CABYR: variants seen among roughly 807,000 people sequenced by gnomAD.
CABYR encodes the protein calcium binding tyrosine phosphorylation regulated.
CABYR carries 31 observed loss-of-function variants against 36.1 expected under a neutral mutation model. The observed-to-expected ratio is 0.86, with a 90% CI of 0.64 to 1.16. The LOEUF (loss-of-function observed/expected upper bound fraction) is 1.16, where lower values mean the gene tolerates loss of function less well. Among genes scored for constraint, CABYR ranks in the 50% most tolerant of loss-of-function variants. The pLI is 0.00. For synonymous variants in CABYR, 146 were observed against 160.7 expected (o/e 0.91, Z 0.69); for missense variants, 429 against 455.8 (o/e 0.94, Z 0.53).
chr18:24,140,618 T>C (rs2085293752), intron 1 of CABYR, among the ~76,000 whole-genome samples: 1 of 152,184 alleles, frequency 6.6e-6, no homozygotes, highest in African/African-American at 2.4e-5. Flanking sequence ...ATAGACACCC[T>C]GTTGTGCTTT....
At chr18:24,146,769 G>A (rs2085468466) in intron 3 of CABYR, among the ~76,000 whole-genome samples, 1 of 152,090 alleles carries the variant, frequency 6.6e-6, no homozygotes, top group Non-Finnish European at 1.5e-5. Context: ...GGGTAAAAGG[G>A]CACTTTACTT....
intron 3 of CABYR, among the ~76,000 whole-genome samples, chr18:24,149,115 T>C (rs1345860491): frequency 2.0e-5 from 3 of 150,938 alleles, no homozygotes; most frequent in African/African-American, 7.3e-5. Flanking sequence ...AGATACAGAG[T>C]GTGGACACAA....
chr18:24,159,533 TCTAA>T lies in CABYR; in HGVS notation c.606_609del (p.Thr203IlefsTer45), dbSNP rs2085890174. ...GTTCTAACATGTGGACCCTTTATTG[TCTAA>T]CTGATAAGAATCAACAAGGTCACCC... On this transcript the variant is annotated frameshift_variant, in exon 5 of 6. Transcript: ENST00000399496. LOFTEE classifies it high-confidence loss of function. 6.2e-7 allele frequency: 1 copy of T among 1,614,060 alleles called. No individual in the cohort carries two copies. Among genetic ancestry groups the T allele is most frequent in the East Asian group, 2.2e-5 (1 of 44,874 alleles).
At position 24,139,928 on chromosome 18, in the gene CABYR, T is replaced by C. The variant is rs1469341341; in HGVS notation, c.-25+810T>C. The C allele has an allele frequency of 9.3e-5, 14 of 150,994 alleles. No homozygotes were observed. In the East Asian group the frequency reaches 2.4e-3, roughly 25 times the overall value. 9.4% of individuals were successfully genotyped at this position (150,994 alleles called of 1,614,324 possible). ...GGTTTCTGGGAGCCACTTTCTTTTT[T>C]ATTCTTTTTTTTTTTTTTTGAGACG... On this transcript the variant is annotated intron_variant, in intron 1 of 5. Transcript: ENST00000399496.
At chr18:24,156,418 T>C (rs774731336) in intron 4 of CABYR, 49 of 1,613,916 alleles carry the variant, frequency 3.0e-5, no homozygotes, top group Non-Finnish European at 4.0e-5. Flanking sequence ...ACTGAAGGAG[T>C]TGTTTATATC....
At chr18:24,159,420 G>A in intron 4 of CABYR, 52 bp from the exon 5 acceptor site, 2 of 1,239,038 alleles carry the variant, frequency 1.6e-6, no homozygotes, top group South Asian at 2.6e-5. Context: ...ACTATGCATA[G>A]TGCCTGATAC....
At chr18:24,146,103 A>C (rs2085452073) in intron 3 of CABYR, among the ~76,000 whole-genome samples, 1 of 150,086 alleles carries the variant, frequency 6.7e-6, no homozygotes, top group African/African-American at 2.4e-5. Flanking sequence ...AGGCTAAAAC[A>C]ACACACTCAC....
chr18:24,148,445 C>G (rs1352831498), intron 3 of CABYR: 7 of 152,126 alleles, frequency 4.6e-5, no homozygotes, highest in Admixed American at 4.6e-4. Context: ...TTCCACCCAC[C>G]CTGCTTTAAT....
At chr18:24,152,322 C>T (rs904922338) in intron 3 of CABYR, among the ~76,000 whole-genome samples, 8 of 152,124 alleles carry the variant, frequency 5.3e-5, no homozygotes, top group Non-Finnish European at 1.0e-4. Context: ...ACAGAAACTC[C>T]ATGAAGTCAG....
chr18:24,155,575 G>A, intron 3 of CABYR, 126 bp from the exon 4 acceptor site: 1 of 709,712 alleles, frequency 1.4e-6, no homozygotes, highest in South Asian at 2.2e-5. Flanking sequence ...TCCTGCCTCA[G>A]CCTTCCAAAG....
intron 3 of CABYR, among the ~76,000 whole-genome samples, chr18:24,143,682 G>A (rs1032339694): frequency 1.3e-5 from 2 of 151,816 alleles, no homozygotes; most frequent in African/African-American, 4.8e-5. Flanking sequence ...GCAGTTGTAA[G>A]TCACCATGTC....
chr18:24,141,851 A>C (rs1720837554), intron 1 of CABYR, among the ~76,000 whole-genome samples: 1 of 152,154 alleles, frequency 6.6e-6, no homozygotes, highest in South Asian at 2.1e-4. Flanking sequence ...ACATAAGGGA[A>C]AATTTGGGAA....
chr18:24,143,932 C>G (rs1019504148), intron 3 of CABYR, among the ~76,000 whole-genome samples: 3 of 151,428 alleles, frequency 2.0e-5, no homozygotes, highest in Non-Finnish European at 1.5e-5. Context: ...GAGTCTCACT[C>G]TGTTGCCCAG....
At chr18:24,155,034 A>G (rs1027516408) in intron 3 of CABYR, among the ~76,000 whole-genome samples, 1 of 152,234 alleles carries the variant, frequency 6.6e-6, no homozygotes, top group Non-Finnish European at 1.5e-5. Context: ...TAGCTTATCA[A>G]TTCATTAAGT....
At chr18:24,159,362 C>A in intron 4 of CABYR, 110 bp from the exon 5 acceptor site, 1 of 745,434 alleles carries the variant, frequency 1.3e-6, no homozygotes, top group Non-Finnish European at 2.3e-6. Flanking sequence ...CTCTACGGTA[C>A]ATATCACTAC....
chr18:24,139,162 A>C (rs2085235041), intron 1 of CABYR, 44 bp downstream of exon 1: 1 of 148,838 alleles, frequency 6.7e-6, no homozygotes, highest in African/African-American at 2.5e-5. Context: ...GGCCTCGGAG[A>C]CCATTATGTC....
intron 3 of CABYR, among the ~76,000 whole-genome samples, chr18:24,154,215 T>C (rs78894959): frequency 0.033 from 4,996 of 152,210 alleles, 248 homozygotes; most frequent in African/African-American, 0.11. Context: ...ATCTTATTTC[T>C]CCTATTAAAT....
chr18:24,144,419 T>C (rs952660220), intron 3 of CABYR, among the ~76,000 whole-genome samples: 3 of 152,212 alleles, frequency 2.0e-5, no homozygotes, highest in Non-Finnish European at 4.4e-5. Flanking sequence ...CAGGTAACAC[T>C]TTCCACAAAA....
intron 3 of CABYR, among the ~76,000 whole-genome samples, chr18:24,147,298 G>A (rs2085484351): frequency 7.1e-6 from 1 of 140,618 alleles, no homozygotes; most frequent in Admixed American, 7.2e-5. Flanking sequence ...AGGAATACAA[G>A]GGAACTTCCT....
Sources: gnomAD v4.1 joint callset for allele counts (sites outside exome capture counted in the v4.1 genomes callset) on GRCh38, gnomAD v4.1.1 for gene constraint, MANE v1.5 for transcripts, NCBI Gene and HGNC (gene_info 2026-07-23, HGNC 2026-07-21) for gene names.